Variants in DLGAP4 observed in about 807,000 individuals in gnomAD.
The protein encoded by DLGAP4 is DLG associated protein 4, also known as disks large-associated protein 4.
In DLGAP4, 18 loss-of-function variants were observed where a neutral mutation model predicts 86.9. The ratio of observed to expected loss-of-function variants is 0.21; its 90% CI spans 0.14 to 0.31. The LOEUF is 0.31. Ranked by LOEUF, DLGAP4 falls within the 10% of genes least tolerant of loss-of-function variation. DLGAP4 has a pLI of 1.00. For missense variants in DLGAP4, 1,085 were observed against 1,362.6 expected (o/e 0.80, Z 3.21); for synonymous variants, 548 against 574.3 (o/e 0.95, Z 0.65).
chr20:36,444,187 T>A (rs1354923796), intron 6 of DLGAP4, among the ~76,000 whole-genome samples: 1 of 152,274 alleles, frequency 6.6e-6, no homozygotes, highest in Admixed American at 6.5e-5. Flanking sequence ...GCCTATATTT[T>A]AATTTATCAG....
intron 10 of DLGAP4, among the ~76,000 whole-genome samples, chr20:36,514,317 C>T (rs1428282426): frequency 6.6e-6 from 1 of 152,132 alleles, no homozygotes; most frequent in Non-Finnish European, 1.5e-5. Flanking sequence ...GAAGAGAAAA[C>T]AGGAGAGTAA....
chr20:36,362,189 G>A lies in DLGAP4; in HGVS notation c.-303-4856G>A, dbSNP rs11908153. ...GCACAAGAATTGCTTGAAACTGGGG[G>A]GCAGAGGTTGCAGTGAGCCGAGATC... On this transcript the variant is annotated intron_variant, in intron 1 of 12. Coordinates refer to ENST00000339266, the MANE Select transcript of DLGAP4 (RefSeq NM_001365621.2). Among the ~76,000 whole-genome samples the A allele has an allele frequency of 2.0e-3, 302 of 151,620 alleles. 1 individual carries two copies. Among genetic ancestry groups the A allele is most frequent in the African/African-American group, 7.1e-3 (292 of 41,268 alleles).
intron 2 of DLGAP4, among the ~76,000 whole-genome samples, chr20:36,405,659 C>T (rs1406266603): frequency 6.6e-6 from 1 of 151,970 alleles, no homozygotes; most frequent in Non-Finnish European, 1.5e-5. Context: ...TGGGATCCAA[C>T]CATCCAGAGA....
rs1325797407 is a variant in DLGAP4 at position 36,308,722 on chromosome 20, C to A, written c.-304+2210C>A. Among the ~76,000 whole-genome samples, 1 of 152,090 alleles carries A rather than the reference C, an allele frequency of 6.6e-6. No individual in the cohort carries two copies. The highest frequency in any genetic ancestry group is 1.5e-5 in the Non-Finnish European group (1 of 68,020). ...GCTCTGAGGAACTGTATCCCGGGCACCGTATGTGACAGAAGCAGGTGGTCC... is the reference window on the plus strand; with the variant it reads ...GCTCTGAGGAACTGTATCCCGGGCAACGTATGTGACAGAAGCAGGTGGTCC... On this transcript the variant is annotated intron_variant, in intron 1 of 12. Coordinates refer to ENST00000339266, the MANE Select transcript of DLGAP4 (RefSeq NM_001365621.2). The surrounding 1 kb of genome is among the most constrained non-coding windows in gnomAD (Gnocchi z 4.5).
intron 7 of DLGAP4, chr20:36,473,100 C>CTT (rs2034746134): frequency 6.6e-6 from 1 of 152,250 alleles, no homozygotes; most frequent in Non-Finnish European, 1.5e-5. Context: ...TGGAGCTGGG[C>CTT]TTCTGTCAGC....
At chr20:36,323,728 T>G (rs1272338654) in intron 1 of DLGAP4, among the ~76,000 whole-genome samples, 1 of 152,246 alleles carries the variant, frequency 6.6e-6, no homozygotes, top group Non-Finnish European at 1.5e-5. Context: ...AAGACAAGTT[T>G]TGGGATGAAA....
At chr20:36,374,039 AAAAAAAAAAAG>A (rs1182829260) in intron 2 of DLGAP4, among the ~76,000 whole-genome samples, 1 of 151,536 alleles carries the variant, frequency 6.6e-6, no homozygotes, top group Non-Finnish European at 1.5e-5. Context: ...TCTCAAAAAA[AAAAAAAAAAAG>A]AAAAAGAAAA....
chr20:36,400,376 T>G (rs191711876), intron 2 of DLGAP4, among the ~76,000 whole-genome samples: 1 of 152,360 alleles, frequency 6.6e-6, no homozygotes, highest in East Asian at 1.9e-4. Context: ...ATCTGATTCC[T>G]TCATTACGCC....
intron 1 of DLGAP4, among the ~76,000 whole-genome samples, chr20:36,355,572 C>T (rs191926888): frequency 2.6e-5 from 4 of 152,364 alleles, no homozygotes; most frequent in Non-Finnish European, 4.4e-5. Flanking sequence ...ATTGGGATTA[C>T]AGGCGTCAGC....
intron 2 of DLGAP4, among the ~76,000 whole-genome samples, chr20:36,390,595 C>T (rs987111577): frequency 2.0e-5 from 3 of 152,156 alleles, no homozygotes; most frequent in Non-Finnish European, 4.4e-5. Context: ...CACTGTACCC[C>T]CCTCTAGTCT....
intron 7 of DLGAP4, among the ~76,000 whole-genome samples, chr20:36,456,140 C>T (rs577669223): frequency 6.6e-6 from 1 of 152,328 alleles, no homozygotes; most frequent in East Asian, 1.9e-4. Flanking sequence ...CTTATCCCAA[C>T]ATGCACGTGC....
intron 7 of DLGAP4, among the ~76,000 whole-genome samples, chr20:36,486,855 G>A (rs549681507): frequency 1.1e-4 from 16 of 151,870 alleles, no homozygotes; most frequent in African/African-American, 3.6e-4. Context: ...CAGGTGATCC[G>A]CCCGCGTCAG....
At chr20:36,333,971 G>A (rs2065295733) in intron 1 of DLGAP4, among the ~76,000 whole-genome samples, 1 of 152,242 alleles carries the variant, frequency 6.6e-6, no homozygotes, top group Admixed American at 6.5e-5. Context: ...CCCACCCAGC[G>A]ACCCACAACC....
At chr20:36,437,621 T>C (rs1388957230) in intron 4 of DLGAP4, among the ~76,000 whole-genome samples, 1 of 152,216 alleles carries the variant, frequency 6.6e-6, no homozygotes, top group Admixed American at 6.5e-5. Flanking sequence ...CCCATCGTGT[T>C]GCTGTAAGGC....
intron 1 of DLGAP4, among the ~76,000 whole-genome samples, chr20:36,363,070 A>T (rs1295209603): frequency 1.3e-5 from 2 of 152,228 alleles, no homozygotes; most frequent in Non-Finnish European, 2.9e-5. Flanking sequence ...TGACAAGATC[A>T]GGTCTCAGCA....
intron 7 of DLGAP4, chr20:36,461,778 C>T: frequency 2.1e-6 from 2 of 971,616 alleles, no homozygotes; most frequent in Non-Finnish European, 2.4e-6. Flanking sequence ...CCCGCGCTTC[C>T]GTCCTGTCCA....
rs1258799796 is a variant in DLGAP4, at chr20:36,499,407, A to T, written c.2011-181A>T. ...CCTGCCCGCCTCCACGCGAATGAGC[A>T]GTGCCCGGCTTAACCTGGTCCGGCC... On this transcript the variant is annotated intron_variant, in intron 8 of 12. Transcript: ENST00000339266. 2.6e-5 allele frequency: 37 copies of T among 1,400,156 alleles called. No homozygotes were observed. The South Asian group carries it at 4.5e-4, about 17-fold the overall frequency. 86.7% of individuals were successfully genotyped at this position (1,400,156 alleles called of 1,614,324 possible). A position where few individuals can be genotyped will look rare whatever the true frequency, so the allele number is the denominator to read the frequency against.
At chr20:36,344,934 T>G (rs2029892303) in intron 1 of DLGAP4, among the ~76,000 whole-genome samples, 1 of 152,132 alleles carries the variant, frequency 6.6e-6, no homozygotes, top group South Asian at 2.1e-4. Flanking sequence ...TACTTCCATG[T>G]CTCAGCACCT....
intron 2 of DLGAP4, among the ~76,000 whole-genome samples, chr20:36,378,117 G>C (rs2031230150): frequency 6.6e-6 from 1 of 152,156 alleles, no homozygotes; most frequent in Non-Finnish European, 1.5e-5. Context: ...GGAGTTGCAA[G>C]GGGAAGCTCC....
Sources: allele counts gnomAD v4.1 joint callset (sites outside exome capture counted in the v4.1 genomes callset), GRCh38; gene constraint gnomAD v4.1.1; non-coding constraint Gnocchi (gnomAD v3.1); transcripts MANE v1.5; gene names NCBI Gene and HGNC (gene_info 2026-07-23, HGNC 2026-07-21).